Variants in PDE4D observed in about 807,000 individuals in gnomAD.
PDE4D encodes phosphodiesterase 4D.
Under a neutral mutation model 87.4 loss-of-function variants are expected in PDE4D, and 24 were observed. The observed-to-expected ratio is 0.27, with a 90% CI of 0.20 to 0.39. PDE4D has a LOEUF of 0.39. Ranked by LOEUF, PDE4D falls within the 10% of genes least tolerant of loss-of-function variation. PDE4D has a pLI of 1.00. For missense variants in PDE4D, 714 were observed against 1,041.0 expected, an observed-to-expected ratio of 0.69 and a Z score of 4.32; for synonymous variants, 384 against 383.2, an observed-to-expected ratio of 1.00 and a Z score of -0.02.
At chr5:59,200,052 C>CAT (rs1339382207) in intron 2 of PDE4D, among the ~76,000 whole-genome samples, 20 of 69,610 alleles carry the variant, frequency 2.9e-4, no homozygotes, top group East Asian at 2.9e-3. Flanking sequence ...CGTATGTACA[C>CAT]ACATGCATGT....
chr5:60,469,072 C>A (rs1469894518), intron 1 of PDE4D, among the ~76,000 whole-genome samples: 1 of 152,124 alleles, frequency 6.6e-6, no homozygotes, highest in Non-Finnish European at 1.5e-5. Flanking sequence ...GGGAATAGCA[C>A]ACATTTATAA....
chr5:59,511,250 G>T (rs188502921), intron 1 of PDE4D, among the ~76,000 whole-genome samples: 3 of 151,864 alleles, frequency 2.0e-5, no homozygotes, highest in Admixed American at 2.0e-4. Context: ...AAAAAGTTTC[G>T]ATTAAGTCAG....
intron 6 of PDE4D, among the ~76,000 whole-genome samples, chr5:59,031,378 T>G (rs868218712): frequency 1.5e-5 from 1 of 64,600 alleles, no homozygotes; most frequent in Non-Finnish European, 2.9e-5. Flanking sequence ...TATATATATA[T>G]ATATATATAT....
Position 59,109,716 on chromosome 5 carries a change from T to C in PDE4D, c.809-70745A>G, listed in dbSNP as rs541946423. Among the ~76,000 whole-genome samples the C allele has an allele frequency of 4.6e-5, 7 of 152,296 alleles. No homozygotes were observed. In the South Asian group the frequency reaches 1.2e-3, roughly 27 times the overall value. ...GAGAGGTCAAGGAGCAAGAGTGAAG[T>C]ATCCCCCTTAGAGTCCAGAAGTAAG... On this transcript the variant is annotated intron_variant, in intron 5 of 14. Transcript: ENST00000340635.
intron 5 of PDE4D, 189 bp downstream of exon 5, chr5:59,180,389 AGTAAAAAACGTAAATCG>A: frequency 1.4e-6 from 1 of 708,560 alleles, no homozygotes; most frequent in Non-Finnish European, 2.6e-6. Flanking sequence ...AATGTACATC[AGTAAAAAACGTAAATCG>A]GTAAAAATGT....
chr5:60,022,795 C>G (rs778536827), intron 2 of PDE4D: 2 of 152,422 alleles, frequency 1.3e-5, no homozygotes, highest in Middle Eastern at 6.8e-3. Context: ...TTCCATTCTT[C>G]TTAGGCTCCT....
At chr5:59,034,963 A>C (rs1398708601) in intron 6 of PDE4D, among the ~76,000 whole-genome samples, 1 of 152,238 alleles carries the variant, frequency 6.6e-6, no homozygotes, top group Non-Finnish European at 1.5e-5. Context: ...CACTGAACTT[A>C]CAGGGAAGGC....
intron 1 of PDE4D, among the ~76,000 whole-genome samples, chr5:60,426,519 A>G (rs1367987978): frequency 1.3e-5 from 2 of 150,966 alleles, no homozygotes; most frequent in East Asian, 4.2e-4. Flanking sequence ...ATCACACACC[A>G]GGGCCTGTTG....
At chr5:60,181,790 C>A (rs950888428) in intron 2 of PDE4D, among the ~76,000 whole-genome samples, 13 of 152,154 alleles carry the variant, frequency 8.5e-5, no homozygotes, top group African/African-American at 3.1e-4. Context: ...TAAAATTTAT[C>A]TAGTTTATTC....
chr5:60,170,795 C>T lies in PDE4D; in HGVS notation c.42+14762G>A, dbSNP rs539977454. Among the ~76,000 whole-genome samples the T allele has an allele frequency of 1.6e-4, 24 of 152,054 alleles. No individual in the cohort carries two copies. The East Asian group carries it at 4.2e-3, about 27-fold the overall frequency. ...AACTCTTCAGACAATTCTGAGAATACATATATCTCTGACTCTTTAATTTCT... is the reference window on the plus strand; with the variant it reads ...AACTCTTCAGACAATTCTGAGAATATATATATCTCTGACTCTTTAATTTCT... On this transcript the variant is annotated intron_variant, in intron 2 of 16. Transcript: ENST00000502484.
At chr5:60,020,527 A>G (rs1765942197) in intron 2 of PDE4D, among the ~76,000 whole-genome samples, 1 of 152,152 alleles carries the variant, frequency 6.6e-6, no homozygotes, top group African/African-American at 2.4e-5. Flanking sequence ...TACAGGCTGT[A>G]TGTATACATA....
chr5:60,045,337 C>T (rs1043636769), intron 2 of PDE4D, among the ~76,000 whole-genome samples: 14 of 152,042 alleles, frequency 9.2e-5, no homozygotes, highest in Admixed American at 2.6e-4. Flanking sequence ...ATGGTAGTTT[C>T]TTTTGCTGTG....
rs1775095616 is a variant in PDE4D at position 60,091,413 on chromosome 5, G to A, written c.42+94144C>T. 1.3e-5 allele frequency among the ~76,000 whole-genome samples: 2 copies of A among 152,074 alleles called. 1 individual carries two copies. The highest frequency in any genetic ancestry group is 4.1e-4 in the South Asian group (2 of 4,832). On this transcript the variant is annotated intron_variant, in intron 2 of 16. Coordinates refer to the PDE4D transcript ENST00000502484. ...AACATCACTTAATTATCAGGGAAAT[G>A]CAAATGAAAAACACAATGATATATC...
At chr5:60,304,153 C>T (rs1199167811) in intron 1 of PDE4D, 3 of 152,172 alleles carry the variant, frequency 2.0e-5, no homozygotes, top group African/African-American at 7.2e-5. Flanking sequence ...AAAGCAAACA[C>T]TCCTTCTTTT....
At chr5:59,443,321 T>C (rs1441147289) in intron 1 of PDE4D, among the ~76,000 whole-genome samples, 1 of 152,224 alleles carries the variant, frequency 6.6e-6, no homozygotes, top group East Asian at 1.9e-4. Flanking sequence ...TGATCATTTT[T>C]CTTATGAATA....
At chr5:60,112,833 T>C (rs1777812878) in intron 2 of PDE4D, among the ~76,000 whole-genome samples, 1 of 152,050 alleles carries the variant, frequency 6.6e-6, no homozygotes, top group African/African-American at 2.4e-5. Flanking sequence ...GGATCTTTAA[T>C]CCAAGAAAAG....
At chr5:60,441,968 A>G (rs2150134805) in intron 1 of PDE4D, among the ~76,000 whole-genome samples, 1 of 152,318 alleles carries the variant, frequency 6.6e-6, no homozygotes, top group East Asian at 1.9e-4. Context: ...GTGGAGAAAT[A>G]GGAATGCTTT....
intron 1 of PDE4D, among the ~76,000 whole-genome samples, chr5:59,453,667 A>G (rs1192598789): frequency 6.6e-6 from 1 of 152,210 alleles, no homozygotes; most frequent in East Asian, 1.9e-4. Context: ...AAAGATTGAT[A>G]GAGATGAGGA....
At chr5:59,879,745 T>C (rs1482479606) in intron 1 of PDE4D, among the ~76,000 whole-genome samples, 3 of 152,212 alleles carry the variant, frequency 2.0e-5, no homozygotes, top group Non-Finnish European at 2.9e-5. Flanking sequence ...TTTGGGTTTT[T>C]TTGTTGTTTT....
Sources: gnomAD v4.1 joint callset for allele counts (sites outside exome capture counted in the v4.1 genomes callset) on GRCh38, gnomAD v4.1.1 for gene constraint, MANE v1.5 for transcripts, NCBI Gene and HGNC (gene_info 2026-07-23, HGNC 2026-07-21) for gene names.